C10orf90: variants seen among roughly 807,000 people sequenced by gnomAD.
The protein encoded by C10orf90 is (E2-independent) E3 ubiquitin-conjugating enzyme FATS.
A neutral mutation model predicts 62.5 loss-of-function variants in C10orf90; 56 were observed. That is an observed-to-expected ratio of 0.90 (90% confidence interval 0.72 to 1.12). The LOEUF is 1.12. C10orf90 is among the 50% of genes most tolerant of loss of function. C10orf90 has a pLI of 0.00. For synonymous variants in C10orf90, 386 were observed against 340.4 expected (o/e 1.13, Z -1.47); for missense variants, 970 against 880.4 (o/e 1.10, Z -1.29).
Position 126,464,867 on chromosome 10 carries a change from A to T in C10orf90, c.1654T>A (p.Ser552Thr). 1 of 1,614,046 alleles carries T rather than the reference A, an allele frequency of 6.2e-7. No individual in the cohort carries two copies. The highest frequency in any genetic ancestry group is 8.5e-7 in the Non-Finnish European group (1 of 1,179,928). Residue 552 changes from serine to threonine, a missense_variant, in exon 5 of 10, where the codon TCT becomes ACT. Coordinates refer to ENST00000488181, the MANE Select transcript of C10orf90 (RefSeq NM_001350921.2). Reference sequence around the variant, plus strand: ...CTAGACAGACAGTCATCGCTTGGAGAGCTATCCCCAATGGGAAGGAAATGT... The same window carrying T: ...CTAGACAGACAGTCATCGCTTGGAGTGCTATCCCCAATGGGAAGGAAATGT... ...TRHFLPIGDSSPSDDCLSRDL... is the reference protein window; with the variant it reads ...TRHFLPIGDSTPSDDCLSRDL...
chr10:126,452,984 C>G (rs1397419040), intron 7 of C10orf90, among the ~76,000 whole-genome samples: 2 of 152,160 alleles, frequency 1.3e-5, no homozygotes, highest in East Asian at 3.8e-4. Flanking sequence ...GCTCAGTGAG[C>G]AAATCTTTAT....
intron 2 of C10orf90, among the ~76,000 whole-genome samples, chr10:126,565,272 A>G (rs1264120544): frequency 4.6e-5 from 2 of 43,636 alleles, no homozygotes; most frequent in African/African-American, 2.1e-4. Context: ...TTTATATTAT[A>G]TATTATATTA....
intron 2 of C10orf90, among the ~76,000 whole-genome samples, chr10:126,539,269 G>A (rs1485288738): frequency 1.3e-5 from 2 of 152,182 alleles, no homozygotes; most frequent in Admixed American, 1.3e-4. Context: ...TCCATGCTAG[G>A]GTTCTGTTCC....
chr10:126,496,075 A>C (rs1338157836), intron 4 of C10orf90, among the ~76,000 whole-genome samples: 1 of 152,188 alleles, frequency 6.6e-6, no homozygotes, highest in Non-Finnish European at 1.5e-5. Flanking sequence ...TCATGTATAG[A>C]CAGTTGCTCT....
At position 126,437,482 on chromosome 10, in the gene C10orf90, G is replaced by A. The variant is rs547403630; in HGVS notation, c.2189-7632C>T. On this transcript the variant is annotated intron_variant, in intron 7 of 9. Coordinates refer to ENST00000488181, the MANE Select transcript of C10orf90 (RefSeq NM_001350921.2). ...CCCCTGCTTGGGTTTGAGGACCGCT[G>A]TTACCTTGATAGAATGTAGTAAGAG... Among the ~76,000 whole-genome samples, 50 of 152,256 alleles carry A rather than the reference G, an allele frequency of 3.3e-4. 2 individuals carry two copies. The South Asian group carries it at 0.01, about 31-fold the overall frequency.
chr10:126,429,723 G>A (rs1857462452), intron 8 of C10orf90, 64 bp downstream of exon 8: 1 of 1,379,462 alleles, frequency 7.2e-7, no homozygotes. Flanking sequence ...GAGGGCACCT[G>A]AAGCCATCAA....
intron 6 of C10orf90, among the ~76,000 whole-genome samples, chr10:126,459,744 A>C (rs1468466870): frequency 6.6e-6 from 1 of 152,212 alleles, no homozygotes; most frequent in Non-Finnish European, 1.5e-5. Context: ...TCCTGGGTAG[A>C]AAGAGCTGGG....
chr10:126,429,644 GT>G, intron 8 of C10orf90, 142 bp downstream of exon 8: 1 of 647,422 alleles, frequency 1.5e-6, no homozygotes, highest in Non-Finnish European at 2.8e-6. Flanking sequence ...TATTTTAGCC[GT>G]TTTTTCAGAT....
chr10:126,452,184 A>G (rs950306883), intron 7 of C10orf90, among the ~76,000 whole-genome samples: 2 of 152,182 alleles, frequency 1.3e-5, no homozygotes, highest in Admixed American at 6.5e-5. Flanking sequence ...CAGCACAAAT[A>G]TATACGACTT....
intron 2 of C10orf90, among the ~76,000 whole-genome samples, chr10:126,568,549 A>G (rs1844439971): frequency 6.6e-6 from 1 of 152,154 alleles, no homozygotes; most frequent in Non-Finnish European, 1.5e-5. Context: ...ACACCCTGAT[A>G]ATCTCTTTCG....
chr10:126,646,626 T>C lies in C10orf90; in HGVS notation c.252A>G (p.Arg84=). The C allele has an allele frequency of 2.3e-6, 1 of 442,136 alleles. No homozygotes were observed. The highest frequency in any genetic ancestry group is 7.3e-5 in the East Asian group (1 of 13,760). The allele number at this position is 442,136 out of a possible 1,614,324, so 27.4% of individuals were successfully genotyped here. Residue 84 remains arginine (R), a synonymous_variant, in exon 2 of 10, where the codon CGA becomes CGG. Transcript: ENST00000488181. ...QTASRYEIHS[R]LFSSPKDHSA... ...AATGATCTTTGGGGGATGAGAAGAG[T>C]CGACTGTGGATCTAGAAAACAAACA...
At chr10:126,576,174 A>T (rs1050543188) in intron 2 of C10orf90, among the ~76,000 whole-genome samples, 1 of 152,170 alleles carries the variant, frequency 6.6e-6, no homozygotes. Context: ...CAAACTATTC[A>T]TCCAACAAGA....
At chr10:126,617,223 C>G (rs781252127) in intron 2 of C10orf90, among the ~76,000 whole-genome samples, 1 of 152,194 alleles carries the variant, frequency 6.6e-6, no homozygotes, top group South Asian at 2.1e-4. Context: ...CCCACCCCAA[C>G]AGAGAAAACA....
chr10:126,627,003 T>TTTC (rs1247248152), intron 2 of C10orf90, among the ~76,000 whole-genome samples: 2 of 145,182 alleles, frequency 1.4e-5, no homozygotes, highest in Non-Finnish European at 3.0e-5. Flanking sequence ...TTCTTTTCTT[T>TTTC]TTTTTTTTTT....
At chr10:126,466,199 C>A (rs1255985676) in intron 4 of C10orf90, among the ~76,000 whole-genome samples, 2 of 152,016 alleles carry the variant, frequency 1.3e-5, no homozygotes, top group East Asian at 3.9e-4. Flanking sequence ...TCCTAGCCTT[C>A]CTGTGTGTTG....
chr10:126,644,736 G>T (rs1222326047), intron 2 of C10orf90, among the ~76,000 whole-genome samples: 2 of 152,098 alleles, frequency 1.3e-5, no homozygotes, highest in Non-Finnish European at 2.9e-5. Flanking sequence ...AGATAAAGAG[G>T]ACCAAGGCAT....
chr10:126,615,515 T>C (rs972817987), intron 2 of C10orf90, among the ~76,000 whole-genome samples: 7 of 152,226 alleles, frequency 4.6e-5, no homozygotes, highest in Non-Finnish European at 8.8e-5. Flanking sequence ...AGCAAGGCTA[T>C]AAAAATACAA....
At chr10:126,493,238 T>C (rs1564830748) in intron 4 of C10orf90, among the ~76,000 whole-genome samples, 1 of 151,916 alleles carries the variant, frequency 6.6e-6, no homozygotes, top group Non-Finnish European at 1.5e-5. Context: ...TTCCAAGTAA[T>C]CTGTCTGGGA....
At chr10:126,534,096 TC>T (rs1162328519) in intron 2 of C10orf90, among the ~76,000 whole-genome samples, 2 of 152,232 alleles carry the variant, frequency 1.3e-5, no homozygotes, top group Non-Finnish European at 2.9e-5. Context: ...CCTCCTGTCC[TC>T]CCTTGGAACT....
Sources: allele counts gnomAD v4.1 joint callset (sites outside exome capture counted in the v4.1 genomes callset), GRCh38; gene constraint gnomAD v4.1.1; transcripts MANE v1.5; gene names NCBI Gene and HGNC (gene_info 2026-07-23, HGNC 2026-07-21).